Variants in KMT2A observed in about 807,000 individuals in gnomAD.
KMT2A encodes the protein histone-lysine N-methyltransferase 2A.
In KMT2A, 16 loss-of-function variants were observed where a neutral mutation model predicts 345.3. That is an observed-to-expected ratio of 0.05 (90% CI 0.03 to 0.07). KMT2A has a LOEUF of 0.07. KMT2A is among the 10% of genes least tolerant of loss of function. KMT2A has a pLI of 1.00. For missense variants in KMT2A, 3,272 were observed against 4,841.6 expected (o/e 0.68, Z 9.62); for synonymous variants, 1,599 against 1,778.6 (o/e 0.90, Z 2.54).
intron 31 of KMT2A, among the ~76,000 whole-genome samples, chr11:118,517,138 G>C (rs1950832867): frequency 6.6e-6 from 1 of 152,054 alleles, no homozygotes. Flanking sequence ...GCTCACGCCT[G>C]TAATCCCATC....
At chr11:118,446,114 C>G (rs972658594) in intron 1 of KMT2A, among the ~76,000 whole-genome samples, 3 of 151,948 alleles carry the variant, frequency 2.0e-5, no homozygotes, top group Non-Finnish European at 4.4e-5. Flanking sequence ...TTTGGAAGGC[C>G]GAGGCAGGCA....
chr11:118,442,866 T>A (rs1321676823), intron 1 of KMT2A, among the ~76,000 whole-genome samples: 2 of 152,154 alleles, frequency 1.3e-5, no homozygotes, highest in Non-Finnish European at 2.9e-5. Context: ...TAGATCTACA[T>A]GTGGCATGCT....
intron 1 of KMT2A, chr11:118,458,139 A>G (rs934075721): frequency 2.4e-5 from 9 of 379,046 alleles, no homozygotes; most frequent in Non-Finnish European, 4.9e-5. Flanking sequence ...CCTGGAGTGC[A>G]GTGTCTCGAT....
intron 10 of KMT2A, chr11:118,488,384 A>G: frequency 1.8e-6 from 1 of 545,744 alleles, no homozygotes; most frequent in Non-Finnish European, 3.3e-6. Flanking sequence ...CTTGTATTAT[A>G]TTTATTTTGT....
At chr11:118,462,757 T>C (rs1206894584) in intron 1 of KMT2A, among the ~76,000 whole-genome samples, 1 of 152,092 alleles carries the variant, frequency 6.6e-6, no homozygotes, top group Admixed American at 6.5e-5. Flanking sequence ...AGAGACAGGG[T>C]TTCACCGTGT....
chr11:118,484,394 A>ATTTCCTCTTTC lies in KMT2A; in HGVS notation c.4218+80_4218+81insTTTCCTCTTTC. 1 of 1,480,016 alleles carries ATTTCCTCTTTC rather than the reference A, an allele frequency of 6.8e-7. No individual in the cohort carries two copies. The highest frequency in any genetic ancestry group is 9.3e-7 in the Non-Finnish European group (1 of 1,078,310). 91.7% of individuals were successfully genotyped at this position (1,480,016 alleles called of 1,614,324 possible). A position where few individuals can be genotyped will look rare whatever the true frequency, so the allele number is the denominator to read the frequency against. On this transcript the variant is annotated intron_variant, in intron 9 of 35. Transcript: ENST00000534358. This position sits in a 1 kb window ranked among gnomAD's most constrained non-coding sequence, Gnocchi z 4.1. Reference sequence around the variant, plus strand: ...GAAAATGCTACTACCAAAGGTGTTGAAAGAGGAAATCAGCACCAACTGGGG... The same window carrying ATTTCCTCTTTC: ...GAAAATGCTACTACCAAAGGTGTTGATTTCCTCTTTCAAGAGGAAATCAGCACCAACTGGGG...
At chr11:118,445,580 C>A (rs1369310361) in intron 1 of KMT2A, among the ~76,000 whole-genome samples, 1 of 152,132 alleles carries the variant, frequency 6.6e-6, no homozygotes, top group African/African-American at 2.4e-5. Flanking sequence ...ATGCAAGTAA[C>A]CATTTAATTA....
chr11:118,483,530 CA>C (rs1210843441), intron 8 of KMT2A, among the ~76,000 whole-genome samples: 1 of 150,670 alleles, frequency 6.6e-6, no homozygotes, highest in Non-Finnish European at 1.5e-5. Context: ...GACTCCGTCT[CA>C]AAAAAAAATA....
chr11:118,511,937 T>C lies in KMT2A; in HGVS notation c.11072-14T>C. The stretch of plus-strand genomic sequence containing the variant: ...ATATTTTCTGGCTTACGGGTTTTCT[T>C]TATTTCCTTTCAGATGCCTGGAAGT... On this transcript the variant is annotated splice_polypyrimidine_tract_variant and intron_variant, in intron 30 of 35. Transcript: ENST00000534358. 1 of 1,613,206 alleles carries C rather than the reference T, an allele frequency of 6.2e-7. No homozygotes were observed.
intron 31 of KMT2A, among the ~76,000 whole-genome samples, chr11:118,514,711 G>A (rs1252617867): frequency 6.6e-5 from 10 of 152,034 alleles, no homozygotes; most frequent in Non-Finnish European, 1.2e-4. Flanking sequence ...TCGGTTCACC[G>A]CAACCTCCAC....
intron 32 of KMT2A, 53 bp downstream of exon 32, chr11:118,519,845 A>T: frequency 1.3e-6 from 2 of 1,572,328 alleles, no homozygotes; most frequent in South Asian, 2.2e-5. Flanking sequence ...TTCTTATCTC[A>T]TGACACTGTC....
rs567528020 is a variant in KMT2A at position 118,479,909 on chromosome 11, G to C, written c.3570-265G>C. On this transcript the variant is annotated intron_variant, in intron 5 of 35. Coordinates refer to ENST00000534358, the MANE Select transcript of KMT2A (RefSeq NM_001197104.2). ...ACTGATCATTTTCTGTGTGGTGCTA[G>C]TCAGTGTTGGATTACAAGAAATTTG... Among the ~76,000 whole-genome samples the C allele has an allele frequency of 1.2e-3, 187 of 152,282 alleles. 2 individuals are homozygous for C. Among genetic ancestry groups the C allele is most frequent in the African/African-American group, 4.3e-3 (179 of 41,570 alleles).
rs782725093 is a variant in KMT2A at position 118,481,913 on chromosome 11, C to T, written c.3833C>T (p.Ala1278Val). ...EEKSEEGNVS[A>V]PGPESKQATT... ...AAGAGTGAAGAAGGGAATGTCTCGG[C>T]CCCTGGGCCTGAATCCAAACAGGCC... is the stretch of plus-strand genomic sequence containing the variant. Residue 1278 changes from alanine (A) to valine (V), a missense_variant, in exon 7 of 36, where the codon GCC becomes GTC. Ala to Val is a moderately conservative substitution (Grantham distance 64, BLOSUM62 0). Coordinates refer to ENST00000534358, the MANE Select transcript of KMT2A (RefSeq NM_001197104.2). The T allele has an allele frequency of 2.4e-5, 39 of 1,614,200 alleles. No individual in the cohort carries two copies. The highest frequency in any genetic ancestry group is 3.3e-5 in the Non-Finnish European group (39 of 1,180,044).
chr11:118,513,503 G>A (rs1950734445), intron 31 of KMT2A, among the ~76,000 whole-genome samples: 1 of 151,782 alleles, frequency 6.6e-6, no homozygotes, highest in Non-Finnish European at 1.5e-5. Context: ...TTCATTTTAT[G>A]TGACAGGTAC....
In KMT2A at chr11:118,504,828, T is replaced by C; in HGVS notation, c.8936T>C (p.Leu2979Pro). The stretch of plus-strand genomic sequence containing the variant: ...GCCTCCTCTGAAAGTGACCCAGCAC[T>C]GCTGAGCCCAGGAGTAGATCCAACT... ...SVASSESDPA[L>P]LSPGVDPTPE... is the part of the protein sequence containing the mutation. The change falls in exon 27 of 36, where the codon CTG becomes CCG. Residue 2979 changes from leucine to proline, a missense_variant. Physicochemically the swap from Leu to Pro is moderately conservative, Grantham distance 98. Coordinates refer to ENST00000534358, the MANE Select transcript of KMT2A (RefSeq NM_001197104.2). This position sits in a 1 kb window ranked among gnomAD's most constrained non-coding sequence, Gnocchi z 6.4. 6.2e-7 allele frequency: 1 copy of C among 1,614,156 alleles called. No individual in the cohort carries two copies. Among genetic ancestry groups the C allele is most frequent in the Non-Finnish European group, 8.5e-7 (1 of 1,180,028 alleles).
At chr11:118,458,345 T>G (rs1458386552) in intron 1 of KMT2A, 7 of 180,646 alleles carry the variant, frequency 3.9e-5, no homozygotes, top group Non-Finnish European at 4.8e-5. Context: ...CTCCTCGGCC[T>G]CCCATTGTTA....
chr11:118,480,244 G>GT lies in KMT2A; in HGVS notation c.3634+8dup, dbSNP rs782042739. On this transcript the variant is annotated splice_region_variant and intron_variant, in intron 6 of 35. Transcript: ENST00000534358. ...CCTGCAGAAGCAAGCTAAAGGTAGTGTTGTTAAAAAGGTCTTCCCCCAAAT... is the reference window on the plus strand; with the variant it reads ...CCTGCAGAAGCAAGCTAAAGGTAGTGTTTGTTAAAAAGGTCTTCCCCCAAAT... 5.6e-6 allele frequency: 9 copies of GT among 1,611,750 alleles called. No homozygotes were observed. The highest frequency in any genetic ancestry group is 7.6e-6 in the Non-Finnish European group (9 of 1,178,068).
intron 1 of KMT2A, among the ~76,000 whole-genome samples, chr11:118,446,885 A>G (rs782264742): frequency 6.6e-6 from 1 of 152,212 alleles, no homozygotes; most frequent in Non-Finnish European, 1.5e-5. Flanking sequence ...GTATTTCTAA[A>G]TTTTGAACCG....
chr11:118,483,436 G>A (rs1950175765), intron 8 of KMT2A, among the ~76,000 whole-genome samples: 2 of 152,072 alleles, frequency 1.3e-5, no homozygotes, highest in South Asian at 4.1e-4. Context: ...AGGAGAGTGA[G>A]GCAGGAGAAT....
Sources: allele counts gnomAD v4.1 joint callset (sites outside exome capture counted in the v4.1 genomes callset), GRCh38; gene constraint gnomAD v4.1.1; non-coding constraint Gnocchi (gnomAD v3.1); transcripts MANE v1.5; gene names NCBI Gene and HGNC (gene_info 2026-07-23, HGNC 2026-07-21).